The following ASIP variants were observed in gnomAD, a reference collection of about 807,000 sequenced individuals.
ASIP encodes the protein agouti signaling protein.
ASIP carries 11 observed loss-of-function variants against 10.3 expected under a neutral mutation model. That is an observed-to-expected ratio of 1.07 (90% CI 0.68 to 1.78). The LOEUF is 1.78. ASIP is among the 40% of genes most tolerant of loss of function. ASIP has a pLI of 0.00. For synonymous variants in ASIP, 70 were observed against 70.8 expected, an observed-to-expected ratio of 0.99 and a Z score of 0.06; for missense variants, 180 against 169.2, an observed-to-expected ratio of 1.06 and a Z score of -0.35.
upstream of ASIP, among the ~76,000 whole-genome samples, chr20:34,193,651 G>T (rs1026951831): frequency 2.6e-5 from 4 of 152,312 alleles, no homozygotes; most frequent in East Asian, 7.7e-4. Flanking sequence ...AAATGGTGTT[G>T]CAAACACTTC....
At chr20:34,247,288 C>A (rs1013888230) in intron 1 of ASIP, among the ~76,000 whole-genome samples, 1 of 146,142 alleles carries the variant, frequency 6.8e-6, no homozygotes, top group Non-Finnish European at 1.5e-5. Context: ...ATGATTATTA[C>A]ATTATATGAT....
intron 1 of ASIP, chr20:34,245,876 GTA>G: frequency 1.0e-6 from 1 of 966,808 alleles, no homozygotes; most frequent in Non-Finnish European, 1.4e-6. Context: ...ATATATATAT[GTA>G]TATATAAAGG....
intron 1 of ASIP, chr20:34,215,919 G>A: frequency 1.2e-6 from 1 of 833,314 alleles, no homozygotes; most frequent in Non-Finnish European, 2.1e-6. Context: ...GGAGTTTTCT[G>A]GTTATAATAG....
At chr20:34,250,894 C>T (rs1374283253) in intron 1 of ASIP, among the ~76,000 whole-genome samples, 1 of 152,066 alleles carries the variant, frequency 6.6e-6, no homozygotes, top group Non-Finnish European at 1.5e-5. Flanking sequence ...CCAGTGCTGT[C>T]GCTAAGGGGA....
chr20:34,201,099 TA>T (rs1393326306), intron 1 of ASIP, among the ~76,000 whole-genome samples: 13 of 151,054 alleles, frequency 8.6e-5, no homozygotes, highest in African/African-American at 1.5e-4. Context: ...AAAAGAAAGC[TA>T]AAAGTATACT....
intron 3 of ASIP, among the ~76,000 whole-genome samples, chr20:34,266,219 GC>G (rs746508456): frequency 9.2e-5 from 14 of 151,828 alleles, no homozygotes; most frequent in Non-Finnish European, 1.3e-4. Flanking sequence ...GGAGGTGGTG[GC>G]GGGCGCCTGT....
At chr20:34,260,645 T>C (rs2035674611) in intron 2 of ASIP, 111 bp downstream of exon 2, 7 of 1,244,984 alleles carry the variant, frequency 5.6e-6, no homozygotes, top group Non-Finnish European at 7.7e-6. Flanking sequence ...TCCTTCTTGC[T>C]CGTTCCAGGA....
intron 1 of ASIP, among the ~76,000 whole-genome samples, chr20:34,212,278 ATC>A (rs2034979579): frequency 6.6e-6 from 1 of 152,068 alleles, no homozygotes. Context: ...CATACACCCA[ATC>A]TCTGATTGTT....
At chr20:34,263,868 G>A (rs562933606) in intron 3 of ASIP, among the ~76,000 whole-genome samples, 8 of 151,422 alleles carry the variant, frequency 5.3e-5, no homozygotes, top group African/African-American at 9.7e-5. Context: ...ATGGGGTTTC[G>A]CCAAGTTTGT....
intron 1 of ASIP, among the ~76,000 whole-genome samples, chr20:34,220,165 C>T (rs1248464413): frequency 5.9e-5 from 9 of 152,238 alleles, no homozygotes; most frequent in Admixed American, 1.3e-4. Flanking sequence ...GCCATCTACA[C>T]GTGTAGAACT....
At chr20:34,232,393 G>A (rs113585239) in intron 1 of ASIP, among the ~76,000 whole-genome samples, 111 of 152,136 alleles carry the variant, frequency 7.3e-4, no homozygotes, top group Non-Finnish European at 1.4e-3. Context: ...ATTTTCACTT[G>A]AGCATGCCAT....
intron 1 of ASIP, among the ~76,000 whole-genome samples, chr20:34,223,627 C>T (rs1173314593): frequency 1.5e-4 from 22 of 142,646 alleles, no homozygotes; most frequent in African/African-American, 6.0e-4. Flanking sequence ...GCCAGCCGCC[C>T]CGTCCGGGAG....
chr20:34,194,959 A>T (rs531852674), intron 1 of ASIP, among the ~76,000 whole-genome samples: 1 of 152,058 alleles, frequency 6.6e-6, no homozygotes, highest in African/African-American at 2.4e-5. Flanking sequence ...AACTTTCTGA[A>T]AGCCAATGTG....
chr20:34,245,282 T>C (rs958683141), intron 1 of ASIP, among the ~76,000 whole-genome samples: 5 of 137,330 alleles, frequency 3.6e-5, no homozygotes, highest in African/African-American at 5.5e-5. Flanking sequence ...GGCAGTGAGC[T>C]GAGATCATGC....
At position 34,251,770 on chromosome 20, in the gene ASIP, G is replaced by A. The variant is rs548934258; in HGVS notation, c.-10-8595G>A. ...TCATGGTGGCAGAGCCCTCATGAAT[G>A]AGACTAGTGCCTTTACAAAAGAGGC... On this transcript the variant is annotated intron_variant, in intron 1 of 3. Coordinates refer to ENST00000374954, the MANE Select transcript of ASIP (RefSeq NM_001672.3). Among the ~76,000 whole-genome samples the A allele has an allele frequency of 1.1e-4, 16 of 152,324 alleles. 1 individual carries two copies. The East Asian group carries it at 3.1e-3, about 29-fold the overall frequency.
At chr20:34,205,075 G>T (rs1214889463) in intron 1 of ASIP, among the ~76,000 whole-genome samples, 1 of 152,202 alleles carries the variant, frequency 6.6e-6, no homozygotes, top group African/African-American at 2.4e-5. Context: ...CCTGGAATTG[G>T]TGGGTTCTTG....
chr20:34,226,934 C>T (rs574502304), intron 1 of ASIP, among the ~76,000 whole-genome samples: 1 of 152,074 alleles, frequency 6.6e-6, no homozygotes, highest in Non-Finnish European at 1.5e-5. Context: ...CAATAAGGAA[C>T]AAGGCAAGGA....
intron 1 of ASIP, among the ~76,000 whole-genome samples, chr20:34,254,944 G>C (rs2035543133): frequency 6.6e-6 from 1 of 152,148 alleles, no homozygotes; most frequent in Non-Finnish European, 1.5e-5. Context: ...GTTCTACCAG[G>C]AGAACTGTTT....
rs1310256167 is a variant in ASIP, at chr20:34,260,464, C to A, written c.90C>A (p.Leu30=). The change falls in exon 2 of 4, where the codon CTC becomes CTA. Residue 30 remains leucine, a synonymous_variant. Transcript: ENST00000374954. ...GCCACCTGCCACCTGAGGAGAAGCTCCGAGATGACAGGAGCCTGAGAAGCA... is the reference window on the plus strand; with the variant it reads ...GCCACCTGCCACCTGAGGAGAAGCTACGAGATGACAGGAGCCTGAGAAGCA... ...ANSHLPPEEK[L]RDDRSLRSNS... 6 of 1,614,014 alleles carry A rather than the reference C, an allele frequency of 3.7e-6. No homozygotes were observed. Among genetic ancestry groups the A allele is most frequent in the Non-Finnish European group, 5.1e-6 (6 of 1,180,018 alleles).
Sources: allele counts gnomAD v4.1 joint callset (sites outside exome capture counted in the v4.1 genomes callset), GRCh38; gene constraint gnomAD v4.1.1; transcripts MANE v1.5; gene names NCBI Gene and HGNC (gene_info 2026-07-23, HGNC 2026-07-21).